The following ACP7 variants were observed in gnomAD, a reference collection of about 807,000 sequenced individuals.
The protein encoded by ACP7 is acid phosphatase type 7.
A neutral mutation model predicts 60.6 loss-of-function variants in ACP7; 58 were observed. The ratio of observed to expected loss-of-function variants is 0.96; its 90% CI spans 0.77 to 1.19. ACP7 has a LOEUF of 1.19. ACP7 is among the 50% of genes most tolerant of loss of function. The probability of loss-of-function intolerance (pLI) is 0.00; values close to 1 mark genes in which losing one functional copy is unlikely to be tolerated. For missense variants in ACP7, 574 were observed against 596.2 expected (o/e 0.96, Z 0.39); for synonymous variants, 237 against 232.6 (o/e 1.02, Z -0.17).
Position 39,098,565 on chromosome 19 carries a change from A to T in ACP7, c.229A>T (p.Thr77Ser). ...SGPLPLRAQG[T>S]FVPFVDGGIL... ...GCCCCTGCCCCTCCGCGCCCAGGGC[A>T]CCTTCGTCCCCTTTGTGGACGGGGG... is the stretch of plus-strand genomic sequence containing the variant. The change falls in exon 3 of 13, where the codon ACC becomes TCC. Residue 77 changes from threonine to serine, a missense_variant. Coordinates refer to ENST00000331256, the MANE Select transcript of ACP7 (RefSeq NM_001004318.3). The T allele has an allele frequency of 1.2e-6, 2 of 1,613,362 alleles. No homozygotes were observed. The highest frequency in any genetic ancestry group is 1.7e-6 in the Non-Finnish European group (2 of 1,179,724).
intron 2 of ACP7, among the ~76,000 whole-genome samples, chr19:39,090,817 T>C (rs1423785499): frequency 1.3e-5 from 2 of 150,608 alleles, no homozygotes; most frequent in Admixed American, 6.6e-5. Flanking sequence ...TGGTCTATTG[T>C]TCCTATTCAA....
chr19:39,095,473 T>G (rs953517837), intron 2 of ACP7, among the ~76,000 whole-genome samples: 2 of 152,204 alleles, frequency 1.3e-5, no homozygotes, highest in Admixed American at 6.5e-5. Flanking sequence ...ATGCAAGAGG[T>G]GGGTTCCCAT....
chr19:39,103,567 C>T (rs2073381599), intron 11 of ACP7, among the ~76,000 whole-genome samples: 1 of 150,468 alleles, frequency 6.6e-6, no homozygotes, highest in African/African-American at 2.4e-5. Context: ...TGGCTCACGC[C>T]TATAATCCCA....
chr19:39,102,128 A>ACC, intron 11 of ACP7, among the ~76,000 whole-genome samples: 1 of 149,340 alleles, frequency 6.7e-6, no homozygotes, highest in Non-Finnish European at 1.5e-5. Flanking sequence ...TCTCACACAC[A>ACC]CACACACACA....
chr19:39,107,129 C>A, intron 12 of ACP7, 45 bp downstream of exon 12: 1 of 1,588,584 alleles, frequency 6.3e-7, no homozygotes, highest in Non-Finnish European at 8.6e-7. Context: ...ACAGCCAGGC[C>A]CCTCCAAGCA....
intron 11 of ACP7, among the ~76,000 whole-genome samples, chr19:39,106,403 T>C (rs1470249690): frequency 6.6e-6 from 1 of 152,236 alleles, no homozygotes; most frequent in Non-Finnish European, 1.5e-5. Context: ...GGGCTTTCAC[T>C]GTAATGCTGT....
Position 39,101,493 on chromosome 19 carries a change from T to C in ACP7, c.1069T>C (p.Tyr357His), listed in dbSNP as rs899505506. 3 of 1,613,994 alleles carry C rather than the reference T, an allele frequency of 1.9e-6. No individual in the cohort carries two copies. The African/African-American group carries it at 4.0e-5, about 22-fold the overall frequency. ...ATTTAACGGCAGCCGAGAGATGCCC[T>C]ACACCAACCCGCGAGGGCCTGTCCA... ...QVFNGSREMP[Y>H]TNPRGPVHII... Residue 357 changes from tyrosine to histidine, a missense_variant, in exon 11 of 13, where the codon TAC becomes CAC. Tyr to His is a moderately conservative substitution (Grantham distance 83). Transcript: ENST00000331256.
intron 12 of ACP7, among the ~76,000 whole-genome samples, chr19:39,107,298 A>G (rs1396966845): frequency 6.6e-6 from 1 of 151,660 alleles, no homozygotes; most frequent in Non-Finnish European, 1.5e-5. Flanking sequence ...AAATACAAAA[A>G]ATGGCCAGGC....
rs781471966 is a variant in ACP7 at position 39,101,475 on chromosome 19, G to A, written c.1051G>A (p.Gly351Ser). ...WPIYNYQVFN[G>S]SREMPYTNPR... ...TTGTTCCCTTCCCCAGGTATTTAAC[G>A]GCAGCCGAGAGATGCCCTACACCAA... The change falls in exon 11 of 13, where the codon GGC (glycine) becomes AGC (serine). Residue 351 changes from glycine (G) to serine (S), a missense_variant. By Grantham distance (56) the Gly-to-Ser change is moderately conservative. Transcript: ENST00000331256. 14 of 1,614,106 alleles carry A rather than the reference G, an allele frequency of 8.7e-6. No individual in the cohort carries two copies. Among genetic ancestry groups the A allele is most frequent in the Non-Finnish European group, 1.1e-5 (13 of 1,180,030 alleles).
chr19:39,087,696 T>G (rs981146313), intron 2 of ACP7, among the ~76,000 whole-genome samples: 1 of 150,928 alleles, frequency 6.6e-6, no homozygotes, highest in African/African-American at 2.4e-5. Flanking sequence ...TGCAATGGCA[T>G]GATCTTGGCT....
chr19:39,087,331 G>T (rs2073154415), intron 2 of ACP7, among the ~76,000 whole-genome samples: 1 of 152,056 alleles, frequency 6.6e-6, no homozygotes, highest in African/African-American at 2.4e-5. Flanking sequence ...TTTAGTATCT[G>T]GTTTGGTAAC....
At chr19:39,095,854 C>A (rs2073259521) in intron 2 of ACP7, among the ~76,000 whole-genome samples, 1 of 152,230 alleles carries the variant, frequency 6.6e-6, no homozygotes, top group Non-Finnish European at 1.5e-5. Context: ...GGCTCAAAAC[C>A]ATGTGGAAGC....
chr19:39,099,289 CAG>C (rs1327889970), intron 4 of ACP7, 147 bp downstream of exon 4: 1 of 985,138 alleles, frequency 1.0e-6, no homozygotes. Context: ...TCTGAAGGGA[CAG>C]GGGATGAGAC....
Position 39,095,758 on chromosome 19 carries a change from G to A in ACP7, c.122-2700G>A, listed in dbSNP as rs538511694. On this transcript the variant is annotated intron_variant, in intron 2 of 12. Coordinates refer to ENST00000331256, the MANE Select transcript of ACP7 (RefSeq NM_001004318.3). ...CCATGAGAGCCCCACCCCTACTTCT[G>A]CCTGGGCATTCAGGCGTTTCCATAC... 1.4e-4 allele frequency among the ~76,000 whole-genome samples: 22 copies of A among 152,298 alleles called. No homozygotes were observed. In the South Asian group the frequency reaches 4.3e-3, roughly 30 times the overall value.
At chr19:39,108,859 C>T (rs8108069) in intron 12 of ACP7, among the ~76,000 whole-genome samples, 30,741 of 152,144 alleles carry the variant, frequency 0.2, 3,901 homozygotes, top group East Asian at 0.41. Context: ...TTCACCCTGT[C>T]GCCCAGGCTA....
chr19:39,091,926 T>TA (rs1457954992), intron 2 of ACP7, among the ~76,000 whole-genome samples: 1 of 151,362 alleles, frequency 6.6e-6, no homozygotes, highest in Non-Finnish European at 1.5e-5. Flanking sequence ...AATAAAAAAA[T>TA]AAAAAAATTG....
chr19:39,084,930 T>A (rs1007091891), intron 1 of ACP7, among the ~76,000 whole-genome samples, 162 bp from the exon 2 acceptor site: 6 of 152,116 alleles, frequency 3.9e-5, no homozygotes, highest in Non-Finnish European at 8.8e-5. Context: ...GGTTTCCTCA[T>A]CTGTGATATG....
chr19:39,107,210 G>A, intron 12 of ACP7, 126 bp downstream of exon 12: 1 of 1,075,468 alleles, frequency 9.3e-7, no homozygotes, highest in Non-Finnish European at 1.2e-6. Flanking sequence ...AATTTGGTGG[G>A]GCTAAGGTAT....
intron 3 of ACP7, 44 bp from the exon 4 acceptor site, chr19:39,098,916 C>T: frequency 1.3e-6 from 2 of 1,596,918 alleles, no homozygotes; most frequent in Non-Finnish European, 1.7e-6. Context: ...AGGGAGGGTC[C>T]CGGGGCGCCC....
Sources: allele counts gnomAD v4.1 joint callset (sites outside exome capture counted in the v4.1 genomes callset), GRCh38; gene constraint gnomAD v4.1.1; transcripts MANE v1.5; gene names NCBI Gene and HGNC (gene_info 2026-07-23, HGNC 2026-07-21).